Variants in PRKCA observed in about 807,000 individuals in gnomAD.
The protein encoded by PRKCA is protein kinase C alpha.
In PRKCA, 27 loss-of-function variants were observed where a neutral mutation model predicts 87.0. That is an observed-to-expected ratio of 0.31 (90% CI 0.23 to 0.43). The LOEUF is 0.43. PRKCA is among the 20% of genes least tolerant of loss of function. The pLI, the probability that PRKCA is intolerant of heterozygous loss-of-function variation, is 1.00. For synonymous variants in PRKCA, 329 were observed against 311.1 expected, an observed-to-expected ratio of 1.06 and a Z score of -0.61; for missense variants, 518 against 852.3, an observed-to-expected ratio of 0.61 and a Z score of 4.88.
chr17:66,402,052 AGGAGCT>A (rs1189700581), intron 2 of PRKCA, among the ~76,000 whole-genome samples: 1 of 152,222 alleles, frequency 6.6e-6, no homozygotes, highest in African/African-American at 2.4e-5. Context: ...CAGCCCACCA[AGGAGCT>A]GGAGAATGAG....
rs530890016 is a variant in PRKCA at position 66,720,145 on chromosome 17, A to G, written c.919-12543A>G. Among the ~76,000 whole-genome samples, 7 of 152,348 alleles carry G rather than the reference A, an allele frequency of 4.6e-5. No homozygotes were observed. The East Asian group carries it at 1.4e-3, about 29-fold the overall frequency. The stretch of plus-strand genomic sequence containing the variant: ...AGAAGAGAGGGAGGGAGTATGCACC[A>G]CAGAAACCGGTGCAGGGACAATGTC... On this transcript the variant is annotated intron_variant, in intron 8 of 16. Coordinates refer to ENST00000413366, the MANE Select transcript of PRKCA (RefSeq NM_002737.3).
At chr17:66,562,856 C>T (rs1328566424) in intron 3 of PRKCA, among the ~76,000 whole-genome samples, 1 of 152,134 alleles carries the variant, frequency 6.6e-6, no homozygotes, top group African/African-American at 2.4e-5. Flanking sequence ...CTCGGCCTCC[C>T]GAAGTGCTGG....
chr17:66,739,574 C>T (rs941817206), intron 11 of PRKCA, among the ~76,000 whole-genome samples: 2 of 152,092 alleles, frequency 1.3e-5, no homozygotes, highest in African/African-American at 4.8e-5. Context: ...TAGAGACTTG[C>T]GCAGGATACC....
At chr17:66,782,596 C>T (rs1158361791) in intron 14 of PRKCA, among the ~76,000 whole-genome samples, 1 of 152,224 alleles carries the variant, frequency 6.6e-6, no homozygotes, top group African/African-American at 2.4e-5. Context: ...TCGCTCTCTA[C>T]GGGATGACTT....
chr17:66,629,903 C>T (rs1178774811), intron 3 of PRKCA, among the ~76,000 whole-genome samples: 1 of 152,116 alleles, frequency 6.6e-6, no homozygotes, highest in Non-Finnish European at 1.5e-5. Context: ...ACAGTCTGTT[C>T]ATAGCATTGG....
At chr17:66,602,479 A>G (rs1404031384) in intron 3 of PRKCA, among the ~76,000 whole-genome samples, 1 of 151,400 alleles carries the variant, frequency 6.6e-6, no homozygotes, top group Non-Finnish European at 1.5e-5. Context: ...GGCACTCCCT[A>G]GTGAGATGAA....
Position 66,804,104 on chromosome 17 carries a change from A to G in PRKCA, c.*67A>G, listed in dbSNP as rs1975970257. On this transcript the variant is annotated 3_prime_UTR_variant, in exon 17 of 17. Transcript: ENST00000413366. ...TCCCCGCAGTGGGAAGTGAATCCTT[A>G]ACCCTAAAATTTTAAGGCCACGGCC... 9 of 1,544,618 alleles carry G rather than the reference A, an allele frequency of 5.8e-6. No homozygotes were observed. Among genetic ancestry groups the G allele is most frequent in the Non-Finnish European group, 7.9e-6 (9 of 1,144,638 alleles).
At chr17:66,329,296 G>C (rs963312281) in intron 2 of PRKCA, among the ~76,000 whole-genome samples, 7 of 152,160 alleles carry the variant, frequency 4.6e-5, no homozygotes, top group African/African-American at 1.7e-4. Flanking sequence ...CCAGGTTTCG[G>C]GGAAGACCAT....
intron 3 of PRKCA, among the ~76,000 whole-genome samples, chr17:66,526,017 G>T (rs1245012553): frequency 6.6e-6 from 1 of 152,066 alleles, no homozygotes; most frequent in African/African-American, 2.4e-5. Context: ...TATGTTTAAA[G>T]AAATGGTCTA....
intron 3 of PRKCA, among the ~76,000 whole-genome samples, chr17:66,628,753 C>G (rs190045475): frequency 1.3e-5 from 2 of 152,144 alleles, no homozygotes; most frequent in Non-Finnish European, 2.9e-5. Context: ...ATTGGCTGGG[C>G]GCTGTGGCTC....
chr17:66,428,629 G>A (rs1041279598), intron 2 of PRKCA, among the ~76,000 whole-genome samples: 2 of 151,484 alleles, frequency 1.3e-5, no homozygotes, highest in South Asian at 2.1e-4. Context: ...TCAGCCTCCC[G>A]AGAAGCTGGG....
At chr17:66,359,434 G>A (rs184997879) in intron 2 of PRKCA, among the ~76,000 whole-genome samples, 16 of 152,182 alleles carry the variant, frequency 1.1e-4, no homozygotes, top group African/African-American at 3.9e-4. Context: ...TTTCCTGCCT[G>A]CTTAGGAATA....
At chr17:66,702,557 T>G (rs1377530142) in intron 8 of PRKCA, among the ~76,000 whole-genome samples, 1 of 152,138 alleles carries the variant, frequency 6.6e-6, no homozygotes, top group African/African-American at 2.4e-5. Context: ...ATTTGCTGAG[T>G]AGATCTTAAA....
intron 5 of PRKCA, among the ~76,000 whole-genome samples, chr17:66,682,398 C>A (rs1451595851): frequency 6.6e-6 from 1 of 152,256 alleles, no homozygotes; most frequent in African/African-American, 2.4e-5. Context: ...ACTTTCTATT[C>A]TGAAATGGCC....
chr17:66,327,029 A>G (rs1417927608), intron 2 of PRKCA, among the ~76,000 whole-genome samples: 1 of 152,068 alleles, frequency 6.6e-6, no homozygotes, highest in Non-Finnish European at 1.5e-5. Context: ...TGATCATACC[A>G]CTGCACTCCA....
Position 66,395,434 on chromosome 17 carries a change from C to T in PRKCA, c.205+89307C>T, listed in dbSNP as rs533388462. ...ATTTTGCATTTTCTTTGCATTAAGT[C>T]TTCTAAATCTGGTGTGTATTTTATA... On this transcript the variant is annotated intron_variant, in intron 2 of 16. Coordinates refer to ENST00000413366, the MANE Select transcript of PRKCA (RefSeq NM_002737.3). Among the ~76,000 whole-genome samples, 6 of 152,162 alleles carry T rather than the reference C, an allele frequency of 3.9e-5. No homozygotes were observed. In the South Asian group the frequency reaches 1.2e-3, roughly 32 times the overall value.
At chr17:66,540,463 G>A (rs1050911591) in intron 3 of PRKCA, among the ~76,000 whole-genome samples, 4 of 152,172 alleles carry the variant, frequency 2.6e-5, no homozygotes, top group Non-Finnish European at 4.4e-5. Flanking sequence ...AAAGAGGGAC[G>A]TCTCCCGAGA....
intron 2 of PRKCA, among the ~76,000 whole-genome samples, chr17:66,376,463 C>T (rs1175000255): frequency 6.6e-6 from 1 of 152,160 alleles, no homozygotes; most frequent in African/African-American, 2.4e-5. Flanking sequence ...CAAAAATTAT[C>T]TGGGCATGGT....
In PRKCA at chr17:66,792,003, A is replaced by T. The variant is rs1381019332; in HGVS notation, c.1854+3024A>T. 6.6e-6 allele frequency among the ~76,000 whole-genome samples: 1 copy of T among 152,250 alleles called. No individual in the cohort carries two copies. Among genetic ancestry groups the T allele is most frequent in the Non-Finnish European group, 1.5e-5 (1 of 68,044 alleles). On this transcript the variant is annotated intron_variant, in intron 16 of 16. Coordinates refer to ENST00000413366, the MANE Select transcript of PRKCA (RefSeq NM_002737.3). This position sits in a 1 kb window ranked among gnomAD's most constrained non-coding sequence, Gnocchi z 4.5. ...GAGATGTAGCAATGCCAGCCTAAAT[A>T]GTGCTGCTGGAGAAACGATCAGGCA...
Sources: allele counts gnomAD v4.1 joint callset (sites outside exome capture counted in the v4.1 genomes callset), GRCh38; gene constraint gnomAD v4.1.1; non-coding constraint Gnocchi (gnomAD v3.1); transcripts MANE v1.5; gene names NCBI Gene and HGNC (gene_info 2026-07-23, HGNC 2026-07-21).